Variants in MTUS1 observed in about 807,000 individuals in gnomAD.
The protein encoded by MTUS1 is microtubule-associated tumor suppressor 1.
In MTUS1, 109 loss-of-function variants were observed where a neutral mutation model predicts 120.8. That is an observed-to-expected ratio of 0.90 (90% CI 0.77 to 1.06). The LOEUF (loss-of-function observed/expected upper bound fraction) is 1.06. Among genes scored for constraint, MTUS1 ranks in the 50% least tolerant of loss-of-function variants. MTUS1 has a pLI of 0.00. For synonymous variants in MTUS1, 737 were observed against 550.5 expected (o/e 1.34, Z -4.74); for missense variants, 2,210 against 1,486.3 (o/e 1.49, Z -8.01).
chr8:17,786,429 G>C (rs1328084848), intron 1 of MTUS1, among the ~76,000 whole-genome samples: 1 of 152,148 alleles, frequency 6.6e-6, no homozygotes, highest in Non-Finnish European at 1.5e-5. Context: ...CTCAGAAGTG[G>C]GTGAGCCGCT....
chr8:17,656,919 T>C (rs550290303), intron 8 of MTUS1, among the ~76,000 whole-genome samples: 6 of 149,316 alleles, frequency 4.0e-5, no homozygotes, highest in South Asian at 2.1e-4. Flanking sequence ...ATTAGCCGGG[T>C]GTGGTGGTGG....
chr8:17,671,332 G>T lies in MTUS1; in HGVS notation c.2905+3854C>A, dbSNP rs192245576. ...CCAAAAATATTTATCGAGTACCCAA[G>T]AAAACAGAAAGCATATTATATTATT... On this transcript the variant is annotated intron_variant, in intron 8 of 14. Transcript: ENST00000693296. Among the ~76,000 whole-genome samples the T allele has an allele frequency of 1.8e-3, 269 of 148,902 alleles. 1 individual carries two copies. The highest frequency in any genetic ancestry group is 5.5e-3 in the African/African-American group (224 of 40,658).
chr8:17,750,641 C>G (rs957046288), intron 2 of MTUS1, among the ~76,000 whole-genome samples: 2 of 152,120 alleles, frequency 1.3e-5, no homozygotes, highest in Non-Finnish European at 2.9e-5. Context: ...CAACAATTGC[C>G]CTGTTGTTAT....
At chr8:17,658,936 C>T (rs1013554942) in intron 8 of MTUS1, among the ~76,000 whole-genome samples, 1 of 150,668 alleles carries the variant, frequency 6.6e-6, no homozygotes, top group Non-Finnish European at 1.5e-5. Flanking sequence ...AATCAATCTA[C>T]AAATGTTTAT....
chr8:17,663,322 G>C (rs1042581558), intron 8 of MTUS1, among the ~76,000 whole-genome samples: 1 of 152,146 alleles, frequency 6.6e-6, no homozygotes, highest in African/African-American at 2.4e-5. Flanking sequence ...TTTGTTGATT[G>C]ATAAATGTAC....
chr8:17,654,660 T>A lies in MTUS1; in HGVS notation c.3115A>T (p.Asn1039Tyr). 2.5e-6 allele frequency: 4 copies of A among 1,612,584 alleles called. No individual in the cohort carries two copies. The highest frequency in any genetic ancestry group is 3.4e-6 in the Non-Finnish European group (4 of 1,178,546). Residue 1039 changes from asparagine (N) to tyrosine (Y), a missense_variant, in exon 10 of 15, where the codon AAC (asparagine) becomes TAC (tyrosine). Physicochemically the swap from Asn to Tyr is moderately radical, Grantham distance 143. Transcript: ENST00000693296. ...GAGGTTTCATGCGCAGCATTTAAGTTGTCAAACTGTAAGCAACAAACAAAA... is the reference window on the plus strand; with the variant it reads ...GAGGTTTCATGCGCAGCATTTAAGTAGTCAAACTGTAAGCAACAAACAAAA... ...YKMQLQEQFD[N>Y]LNAAHETSKL... is the part of the protein sequence containing the mutation.
chr8:17,726,209 C>A (rs1371974739), intron 3 of MTUS1, among the ~76,000 whole-genome samples: 1 of 152,202 alleles, frequency 6.6e-6, no homozygotes, highest in Non-Finnish European at 1.5e-5. Flanking sequence ...TGAATCACCA[C>A]CTGCAGTTTC....
intron 8 of MTUS1, among the ~76,000 whole-genome samples, chr8:17,670,259 C>T (rs1385465586): frequency 6.6e-6 from 1 of 152,102 alleles, no homozygotes; most frequent in African/African-American, 2.4e-5. Context: ...GGGGGCAGCC[C>T]CTCACTGGGA....
intron 1 of MTUS1, among the ~76,000 whole-genome samples, chr8:17,798,805 T>G (rs1174912615): frequency 6.6e-6 from 1 of 152,216 alleles, no homozygotes; most frequent in African/African-American, 2.4e-5. Context: ...GAAAAGTATC[T>G]GCAATATGAA....
intron 1 of MTUS1, among the ~76,000 whole-genome samples, chr8:17,793,038 G>C (rs142033577): frequency 1.9e-4 from 29 of 151,998 alleles, no homozygotes; most frequent in African/African-American, 6.5e-4. Context: ...AAGAATCCTA[G>C]ACTGCAAAGT....
chr8:17,660,400 G>A (rs1007600197), intron 8 of MTUS1, among the ~76,000 whole-genome samples: 1 of 152,114 alleles, frequency 6.6e-6, no homozygotes, highest in Non-Finnish European at 1.5e-5. Flanking sequence ...ATATTCCATT[G>A]CACGTACAGA....
Position 17,727,532 on chromosome 8 carries a change from C to T in MTUS1, c.2288-3699G>A, listed in dbSNP as rs138401646. Among the ~76,000 whole-genome samples the T allele has an allele frequency of 7.2e-5, 11 of 152,338 alleles. No individual in the cohort carries two copies. In the East Asian group the frequency reaches 2.1e-3, roughly 29 times the overall value. Reference sequence around the variant, plus strand: ...CAAAGACATATAACTATTTCACCAACAGTCCCGACGTTTAGCTTAACGGTA... The same window carrying T: ...CAAAGACATATAACTATTTCACCAATAGTCCCGACGTTTAGCTTAACGGTA... On this transcript the variant is annotated intron_variant, in intron 3 of 14. Transcript: ENST00000693296.
At chr8:17,791,826 C>A (rs989556694) in intron 1 of MTUS1, among the ~76,000 whole-genome samples, 2 of 152,154 alleles carry the variant, frequency 1.3e-5, no homozygotes, top group Non-Finnish European at 2.9e-5. Flanking sequence ...AATGAAACAC[C>A]TATCTATGAA....
At chr8:17,794,817 G>C (rs2052088205) in intron 1 of MTUS1, among the ~76,000 whole-genome samples, 1 of 152,164 alleles carries the variant, frequency 6.6e-6, no homozygotes, top group Non-Finnish European at 1.5e-5. Flanking sequence ...CAGGGGAAGG[G>C]GGTAGGTCTA....
At chr8:17,657,058 C>CAAAGAAA (rs1808451137) in intron 8 of MTUS1, among the ~76,000 whole-genome samples, 1 of 56,722 alleles carries the variant, frequency 1.8e-5, no homozygotes, top group Non-Finnish European at 3.6e-5. Flanking sequence ...GATTCTGTCT[C>CAAAGAAA]AAAAAAAAAA....
At chr8:17,665,527 G>A (rs1810705745) in intron 8 of MTUS1, among the ~76,000 whole-genome samples, 1 of 151,706 alleles carries the variant, frequency 6.6e-6, no homozygotes, top group Non-Finnish European at 1.5e-5. Flanking sequence ...CCTCTTTGTT[G>A]TTGTTGTGTT....
intron 1 of MTUS1, chr8:17,770,285 T>G (rs118175541): frequency 2.1e-4 from 32 of 152,212 alleles, no homozygotes; most frequent in Middle Eastern, 3.4e-3. Flanking sequence ...GGTAATCTAA[T>G]AAAGTATGAT....
At chr8:17,761,122 T>C (rs1275808517) in intron 1 of MTUS1, among the ~76,000 whole-genome samples, 2 of 152,098 alleles carry the variant, frequency 1.3e-5, no homozygotes, top group South Asian at 2.1e-4. Flanking sequence ...CCAAAATATA[T>C]ATTTCCCTAA....
intron 1 of MTUS1, among the ~76,000 whole-genome samples, chr8:17,782,610 T>C (rs891550498): frequency 1.3e-5 from 2 of 152,348 alleles, no homozygotes; most frequent in African/African-American, 2.4e-5. Flanking sequence ...AATACATTTA[T>C]GTATTTCATA....
Sources: allele counts gnomAD v4.1 joint callset (sites outside exome capture counted in the v4.1 genomes callset), GRCh38; gene constraint gnomAD v4.1.1; transcripts MANE v1.5; gene names NCBI Gene and HGNC (gene_info 2026-07-23, HGNC 2026-07-21).